Variants in CACNB2 observed in about 807,000 individuals in gnomAD.
CACNB2 encodes voltage-dependent L-type calcium channel subunit beta-2.
A neutral mutation model predicts 73.3 loss-of-function variants in CACNB2; 42 were observed. The observed-to-expected ratio is 0.57, with a 90% CI of 0.45 to 0.74. The LOEUF is 0.74. CACNB2 is among the 30% of genes least tolerant of loss of function. The pLI is 0.00. For missense variants in CACNB2, 940 were observed against 853.0 expected (o/e 1.10, Z -1.27); for synonymous variants, 348 against 310.3 (o/e 1.12, Z -1.28).
intron 2 of CACNB2, among the ~76,000 whole-genome samples, chr10:18,363,133 C>T (rs1467602899): frequency 1.3e-5 from 2 of 152,178 alleles, no homozygotes; most frequent in Non-Finnish European, 2.9e-5. Context: ...AGCTCCTAAC[C>T]AGCTTTTCTT....
rs149793143 is a variant in CACNB2 at position 18,534,201 on chromosome 10, G to A, written c.1180G>A (p.Val394Ile). 6.0e-5 allele frequency: 96 copies of A among 1,613,402 alleles called. No individual in the cohort carries two copies. Among genetic ancestry groups the A allele is most frequent in the Non-Finnish European group, 7.5e-5 (88 of 1,179,542 alleles). Residue 394 changes from valine to isoleucine, a missense_variant, in exon 11 of 14, where the codon GTA becomes ATA. Transcript: ENST00000324631. ...TAAAACCTCCTTGGCCCCTATTATA[G>A]TATATGTAAAGATTTCTTCTCCTAA... ...LSKTSLAPII[V>I]YVKISSPKVL...
intron 3 of CACNB2, among the ~76,000 whole-genome samples, chr10:18,410,783 C>A (rs945014588): frequency 7.2e-5 from 11 of 152,044 alleles, no homozygotes; most frequent in African/African-American, 1.9e-4. Flanking sequence ...AGTTTGAGAG[C>A]AGCCTGGCCA....
chr10:18,527,438 A>G, intron 9 of CACNB2, 150 bp from the exon 10 acceptor site: 3 of 622,682 alleles, frequency 4.8e-6, no homozygotes, highest in Non-Finnish European at 8.6e-6. Context: ...AAAAAGAAAA[A>G]AAATGAATAA....
rs141100628 is a variant in CACNB2, at chr10:18,403,514, C to T, written c.333+1471C>T. Among the ~76,000 whole-genome samples the T allele has an allele frequency of 6.6e-5, 10 of 152,242 alleles. No individual in the cohort carries two copies. In the East Asian group the frequency reaches 1.4e-3, roughly 21 times the overall value. The stretch of plus-strand genomic sequence containing the variant: ...CACATACCAAAATTGAACAGTTTCT[C>T]GGGCTTATATGCCATCATGATACAG... On this transcript the variant is annotated intron_variant, in intron 3 of 13. Coordinates refer to ENST00000324631, the MANE Select transcript of CACNB2 (RefSeq NM_201596.3).
intron 2 of CACNB2, among the ~76,000 whole-genome samples, chr10:18,227,136 A>T (rs2036023878): frequency 6.6e-6 from 1 of 152,192 alleles, no homozygotes; most frequent in Admixed American, 6.5e-5. Context: ...TTTATGTCGA[A>T]TATCGTAATG....
At chr10:18,419,122 G>A (rs563431497) in intron 3 of CACNB2, among the ~76,000 whole-genome samples, 1 of 152,284 alleles carries the variant, frequency 6.6e-6, no homozygotes, top group Admixed American at 6.5e-5. Flanking sequence ...AAGCTCTTTG[G>A]CTATGACAGA....
intron 2 of CACNB2, among the ~76,000 whole-genome samples, chr10:18,396,332 C>T (rs1488346016): frequency 6.6e-6 from 1 of 152,124 alleles, no homozygotes; most frequent in Non-Finnish European, 1.5e-5. Flanking sequence ...CTACATTGCA[C>T]CAGAGAACAG....
chr10:18,430,158 T>C (rs967560212), intron 3 of CACNB2, among the ~76,000 whole-genome samples: 1 of 149,564 alleles, frequency 6.7e-6, no homozygotes, highest in African/African-American at 2.5e-5. Flanking sequence ...ACATATTACC[T>C]AAAATACTAG....
At chr10:18,247,856 G>T (rs1444089007) in intron 2 of CACNB2, among the ~76,000 whole-genome samples, 1 of 152,142 alleles carries the variant, frequency 6.6e-6, no homozygotes, top group Non-Finnish European at 1.5e-5. Context: ...CATTCTGAAT[G>T]CTAATGCATA....
chr10:18,539,077 C>T, intron 13 of CACNB2, 153 bp from the exon 14 acceptor site: 1 of 922,356 alleles, frequency 1.1e-6, no homozygotes, highest in East Asian at 2.4e-5. Context: ...CTTATAAATG[C>T]CACTGGATGT....
chr10:18,228,070 G>A (rs1384262239), intron 2 of CACNB2, among the ~76,000 whole-genome samples: 1 of 152,114 alleles, frequency 6.6e-6, no homozygotes, highest in African/African-American at 2.4e-5. Flanking sequence ...GTCTTTTGGT[G>A]TACAAATGAA....
chr10:18,489,995 A>C (rs1346265186), intron 3 of CACNB2, among the ~76,000 whole-genome samples: 2 of 151,966 alleles, frequency 1.3e-5, no homozygotes, highest in African/African-American at 2.4e-5. Context: ...CTCCCACCTC[A>C]GCCTCTTGAG....
At chr10:18,498,743 C>G (rs963080824) in intron 4 of CACNB2, 5 of 434,614 alleles carry the variant, frequency 1.2e-5, no homozygotes, top group African/African-American at 1.0e-4. Context: ...AGTAGATGAT[C>G]CTTTTTTATG....
chr10:18,498,637 T>C (rs2049985439), intron 4 of CACNB2, 160 bp downstream of exon 4: 1 of 726,264 alleles, frequency 1.4e-6, no homozygotes, highest in South Asian at 1.7e-5. Flanking sequence ...TCTGCTAATA[T>C]AAATATACCT....
chr10:18,335,411 G>A (rs1391336643), intron 2 of CACNB2, among the ~76,000 whole-genome samples: 4 of 152,054 alleles, frequency 2.6e-5, no homozygotes, highest in Non-Finnish European at 4.4e-5. Context: ...CCCATCTTTA[G>A]TAAAAACAAG....
At chr10:18,538,083 G>T in intron 12 of CACNB2, 97 bp from the exon 13 acceptor site, 5 of 1,108,418 alleles carry the variant, frequency 4.5e-6, no homozygotes, top group Non-Finnish European at 6.9e-6. Flanking sequence ...AAGTACAAAG[G>T]GGTGCAGCTC....
intron 3 of CACNB2, among the ~76,000 whole-genome samples, chr10:18,414,722 T>C (rs1178467229): frequency 6.6e-6 from 1 of 152,136 alleles, no homozygotes; most frequent in Non-Finnish European, 1.5e-5. Flanking sequence ...TCTGGCTATT[T>C]TAAAACCATA....
chr10:18,420,332 G>C (rs74117999), intron 3 of CACNB2, among the ~76,000 whole-genome samples: 2,694 of 65,448 alleles, frequency 0.041, 31 homozygotes, highest in Middle Eastern at 0.13. Flanking sequence ...CACACACACA[G>C]AGAGAGAGAG....
chr10:18,368,184 T>C (rs1296233348), intron 2 of CACNB2, among the ~76,000 whole-genome samples: 3 of 152,210 alleles, frequency 2.0e-5, no homozygotes, highest in African/African-American at 7.2e-5. Context: ...GAACAATAGC[T>C]ATAATTCCAT....
Sources: gnomAD v4.1 joint callset for allele counts (sites outside exome capture counted in the v4.1 genomes callset) on GRCh38, gnomAD v4.1.1 for gene constraint, MANE v1.5 for transcripts, NCBI Gene and HGNC (gene_info 2026-07-23, HGNC 2026-07-21) for gene names.